Variants in ANOS1 observed in about 807,000 individuals in gnomAD.
ANOS1 encodes the protein anosmin 1, also known as anosmin-1.
Under a neutral mutation model 59.0 loss-of-function variants are expected in ANOS1, and 6 were observed. The observed-to-expected ratio is 0.10, with a 90% CI of 0.06 to 0.20. The LOEUF is 0.20. Among genes scored for constraint, ANOS1 ranks in the 10% least tolerant of loss-of-function variants. The pLI is 1.00. For synonymous variants in ANOS1, 217 were observed against 223.4 expected (o/e 0.97, Z 0.25); for missense variants, 433 against 542.3 (o/e 0.80, Z 2.00).
intron 2 of ANOS1, among the ~76,000 whole-genome samples, chrX:8,684,903 T>C (rs1453168954): frequency 1.8e-5 from 2 of 110,153 alleles, no homozygotes; most frequent in Non-Finnish European, 3.8e-5. Flanking sequence ...TCTCGGGAAC[T>C]CGCTTCTCCT....
intron 2 of ANOS1, among the ~76,000 whole-genome samples, chrX:8,648,719 A>G (rs1005203677): frequency 8.9e-6 from 1 of 112,201 alleles, no homozygotes; most frequent in Non-Finnish European, 1.9e-5. Flanking sequence ...TACACTTATT[A>G]TCAAATAGCA....
At chrX:8,721,754 T>C (rs780016757) in intron 1 of ANOS1, among the ~76,000 whole-genome samples, 1 of 112,714 alleles carries the variant, frequency 8.9e-6, no homozygotes, top group Non-Finnish European at 1.9e-5. Flanking sequence ...GTGGCTTGAA[T>C]GTGGCATCAT....
rs774659014 is a variant in ANOS1 at position 8,731,929 on chromosome X, G to A, written c.108C>T (p.Asp36=). 8.7e-7 allele frequency: 1 copy of A among 1,150,771 alleles called. No individual in the cohort carries two copies. The highest frequency in any genetic ancestry group is 1.9e-5 in the African/African-American group (1 of 53,750). The allele number at this position is 1,150,771 out of a possible 1,213,427, so 94.8% of individuals were successfully genotyped here. A position where few individuals can be genotyped will look rare whatever the true frequency, so the allele number is the denominator to read the frequency against. The change falls in exon 1 of 14, where the codon GAC becomes GAT. Residue 36 remains aspartate, a synonymous_variant. Coordinates refer to ENST00000262648, the MANE Select transcript of ANOS1 (RefSeq NM_000216.4). ...GPGAAAARRL[D]ESLSAGSVQR... The stretch of plus-strand genomic sequence containing the variant: ...GGACGCTCCCGGCAGACAGCGACTC[G>A]TCCAGCCGCCGCGCAGCAGCCGCGC...
At chrX:8,546,078 A>C (rs983171892) in intron 9 of ANOS1, among the ~76,000 whole-genome samples, 3 of 112,137 alleles carry the variant, frequency 2.7e-5, no homozygotes, top group African/African-American at 6.5e-5. Flanking sequence ...GTCCTTTCCC[A>C]TGACAGAAAC....
chrX:8,610,006 C>CAAAAAAAAAAAAAAAAAAAA (rs1167209336), intron 3 of ANOS1, among the ~76,000 whole-genome samples: 2 of 9,163 alleles, frequency 2.2e-4, no homozygotes, highest in Non-Finnish European at 2.8e-4. Flanking sequence ...GACTCCATCT[C>CAAAAAAAAAAAAAAAAAAAA]AAAAAAAAAA....
intron 10 of ANOS1, among the ~76,000 whole-genome samples, 195 bp from the exon 11 acceptor site, chrX:8,537,137 C>A (rs1929609041): frequency 8.9e-6 from 1 of 111,777 alleles, no homozygotes; most frequent in African/African-American, 3.3e-5. Context: ...ACTCCCATGG[C>A]TGCGGGATAT....
chrX:8,646,344 G>A (rs1017748767), intron 2 of ANOS1, among the ~76,000 whole-genome samples: 5 of 110,774 alleles, frequency 4.5e-5, no homozygotes, highest in African/African-American at 1.3e-4. Flanking sequence ...CCTGTAATAG[G>A]CATGCCATCA....
At chrX:8,662,883 G>C (rs187765704) in intron 2 of ANOS1, among the ~76,000 whole-genome samples, 1 of 111,994 alleles carries the variant, frequency 8.9e-6, no homozygotes, top group East Asian at 2.8e-4. Context: ...AATTAGCCAG[G>C]CATGGTGGCA....
intron 3 of ANOS1, among the ~76,000 whole-genome samples, chrX:8,615,282 C>T (rs1453831282): frequency 9.0e-6 from 1 of 111,596 alleles, no homozygotes; most frequent in Non-Finnish European, 1.9e-5. Context: ...CGGTGGCTCA[C>T]GCCTGTAATT....
chrX:8,627,664 C>T (rs1451818752), intron 2 of ANOS1, among the ~76,000 whole-genome samples: 1 of 110,674 alleles, frequency 9.0e-6, no homozygotes, highest in East Asian at 2.8e-4. Flanking sequence ...TATATACAAT[C>T]ATCTGAGTAA....
intron 3 of ANOS1, among the ~76,000 whole-genome samples, chrX:8,619,358 C>A (rs1022495936): frequency 4.5e-5 from 5 of 111,753 alleles, no homozygotes; most frequent in Admixed American, 9.5e-5. Context: ...GTAATCCCAG[C>A]ACTTTGGGAG....
At chrX:8,555,394 G>A (rs375285522) in intron 8 of ANOS1, among the ~76,000 whole-genome samples, 430 of 110,887 alleles carry the variant, frequency 3.9e-3, no homozygotes, top group African/African-American at 0.013. Context: ...GAGAACTGAA[G>A]GAGATAGAGA....
At position 8,587,772 on chromosome X, in the gene ANOS1, A is replaced by G. The variant is rs376710914; in HGVS notation, c.726+22T>C. The G allele has an allele frequency of 6.4e-5, 75 of 1,173,306 alleles. No homozygotes were observed. The African/African-American group carries it at 1.1e-3, about 17-fold the overall frequency. The stretch of plus-strand genomic sequence containing the variant: ...AGACACTACCTCCAGGATGAAAATC[A>G]AAGTCTATATGAGGTTCTTACCTGG... On this transcript the variant is annotated intron_variant, in intron 5 of 13. Transcript: ENST00000262648.
At chrX:8,641,875 T>TGG (rs1213605481) in intron 2 of ANOS1, among the ~76,000 whole-genome samples, 1 of 111,827 alleles carries the variant, frequency 8.9e-6, no homozygotes, top group Non-Finnish European at 1.9e-5. Context: ...CCCTGTTGTC[T>TGG]GGGATTTTAT....
intron 2 of ANOS1, among the ~76,000 whole-genome samples, chrX:8,689,786 A>G (rs1051240957): frequency 1.8e-5 from 2 of 109,538 alleles, no homozygotes; most frequent in East Asian, 2.9e-4. Flanking sequence ...AAAAAAAAAA[A>G]AGAGAGAGAG....
chrX:8,648,939 G>A (rs867830410), intron 2 of ANOS1, among the ~76,000 whole-genome samples: 1 of 111,825 alleles, frequency 8.9e-6, no homozygotes, highest in African/African-American at 3.2e-5. Flanking sequence ...GAATCCAAGA[G>A]AGAATAGCCA....
chrX:8,629,683 T>TG (rs200886782), intron 2 of ANOS1, among the ~76,000 whole-genome samples: 11,124 of 111,507 alleles, frequency 0.1, 787 homozygotes, highest in South Asian at 0.23. Context: ...GATACTACTT[T>TG]GTGAATCACC....
chrX:8,656,578 C>A (rs190295794), intron 2 of ANOS1, among the ~76,000 whole-genome samples: 4 of 111,458 alleles, frequency 3.6e-5, no homozygotes, highest in Non-Finnish European at 7.5e-5. Context: ...AGCTTTTCTA[C>A]TGAAGTTATT....
At chrX:8,674,784 C>T (rs981062077) in intron 2 of ANOS1, among the ~76,000 whole-genome samples, 4 of 112,401 alleles carry the variant, frequency 3.6e-5, no homozygotes, top group Non-Finnish European at 5.6e-5. Context: ...TAAGAAAATG[C>T]ACATGTCCCA....
Sources: gnomAD v4.1 joint callset for allele counts (sites outside exome capture counted in the v4.1 genomes callset) on GRCh38, gnomAD v4.1.1 for gene constraint, MANE v1.5 for transcripts, NCBI Gene and HGNC (gene_info 2026-07-23, HGNC 2026-07-21) for gene names.